CDYL2: variants seen among roughly 807,000 people sequenced by gnomAD.
CDYL2 encodes the protein chromodomain Y-like protein 2.
Under a neutral mutation model 49.4 loss-of-function variants are expected in CDYL2, and 23 were observed. The observed-to-expected ratio is 0.47, with a 90% CI of 0.34 to 0.66. The LOEUF is 0.66. Ranked by LOEUF, CDYL2 falls within the 30% of genes least tolerant of loss-of-function variation. The pLI is 0.01. For synonymous variants in CDYL2, 360 were observed against 268.8 expected (o/e 1.34, Z -3.32); for missense variants, 678 against 656.4 (o/e 1.03, Z -0.36).
intron 1 of CDYL2, among the ~76,000 whole-genome samples, chr16:80,769,878 T>C (rs2142393078): frequency 6.6e-6 from 1 of 152,340 alleles, no homozygotes; most frequent in East Asian, 1.9e-4. Context: ...CACGTATTCT[T>C]AATGATATTG....
chr16:80,690,120 C>T (rs1489164198), intron 1 of CDYL2, among the ~76,000 whole-genome samples: 1 of 142,246 alleles, frequency 7.0e-6, no homozygotes, highest in South Asian at 2.3e-4. Context: ...GACTCTGTCT[C>T]AAAAATAAAA....
chr16:80,612,812 C>G lies in CDYL2; in HGVS notation c.1032G>C (p.Gln344His). 5 of 1,613,398 alleles carry G rather than the reference C, an allele frequency of 3.1e-6. No individual in the cohort carries two copies. Among genetic ancestry groups the G allele is most frequent in the East Asian group, 4.5e-5 (2 of 44,874 alleles). ...TGGCCACCACGATAGGCTTCTTAAA[C>G]TGGATAAAGGCCTTCACAAAGTCCC... Reference protein sequence around the residue: ...AIRDFVKAFIQFKKPIVVAIN... With the variant: ...AIRDFVKAFIHFKKPIVVAIN... The change falls in exon 5 of 7, where the codon CAG (glutamine) becomes CAC (histidine). Residue 344 changes from glutamine (Q) to histidine (H), a missense_variant. Transcript: ENST00000570137. The surrounding 1 kb of genome is among the most constrained non-coding windows in gnomAD (Gnocchi z 5.0).
At chr16:80,756,161 TAA>T (rs1906303678) in intron 1 of CDYL2, among the ~76,000 whole-genome samples, 1 of 151,982 alleles carries the variant, frequency 6.6e-6, no homozygotes, top group South Asian at 2.1e-4. Flanking sequence ...CTTGAGAAGT[TAA>T]AAAGAGAACA....
rs538755325 is a variant in CDYL2, at chr16:80,752,407, C to T, written c.24+51743G>A. Among the ~76,000 whole-genome samples, 10 of 152,118 alleles carry T rather than the reference C, an allele frequency of 6.6e-5. No individual in the cohort carries two copies. The South Asian group carries it at 2.1e-3, about 32-fold the overall frequency. On this transcript the variant is annotated intron_variant, in intron 1 of 6. Coordinates refer to ENST00000570137, the MANE Select transcript of CDYL2 (RefSeq NM_152342.4). ...ACCAAGAATTTCCTTAAAAGAACAT[C>T]GAGTCACAAAATCCCAAGCAGAATA...
intron 1 of CDYL2, among the ~76,000 whole-genome samples, chr16:80,748,103 A>T (rs1905994008): frequency 6.7e-6 from 1 of 149,364 alleles, no homozygotes; most frequent in Non-Finnish European, 1.5e-5. Flanking sequence ...TCACACTCAC[A>T]GGTGATTCTG....
chr16:80,615,439 G>T (rs577305690), intron 4 of CDYL2, among the ~76,000 whole-genome samples: 1 of 152,056 alleles, frequency 6.6e-6, no homozygotes, highest in Non-Finnish European at 1.5e-5. Flanking sequence ...TCATGGGACC[G>T]TATCTTCCAC....
intron 1 of CDYL2, among the ~76,000 whole-genome samples, chr16:80,748,217 G>A (rs983231952): frequency 6.7e-6 from 1 of 148,200 alleles, no homozygotes; most frequent in Admixed American, 6.7e-5. Context: ...TCTGTGCCCT[G>A]GCTCTGCCTT....
At chr16:80,696,548 A>C (rs1216281143) in intron 1 of CDYL2, among the ~76,000 whole-genome samples, 1 of 152,078 alleles carries the variant, frequency 6.6e-6, no homozygotes, top group Non-Finnish European at 1.5e-5. Flanking sequence ...ATCGAAATAC[A>C]AAAAATTCTT....
intron 2 of CDYL2, among the ~76,000 whole-genome samples, chr16:80,657,947 T>C (rs540849639): frequency 1.3e-5 from 2 of 152,026 alleles, no homozygotes; most frequent in Non-Finnish European, 2.9e-5. Flanking sequence ...ACCCACACAA[T>C]AGAATACTAT....
chr16:80,687,707 A>G (rs1307103108), intron 1 of CDYL2, among the ~76,000 whole-genome samples: 1 of 152,238 alleles, frequency 6.6e-6, no homozygotes, highest in East Asian at 1.9e-4. Flanking sequence ...GCTTTGTAAC[A>G]AAACGATCTG....
At chr16:80,704,954 G>A (rs1295137582) in intron 1 of CDYL2, among the ~76,000 whole-genome samples, 1 of 152,182 alleles carries the variant, frequency 6.6e-6, no homozygotes, top group East Asian at 1.9e-4. Flanking sequence ...CCAAGGTAGG[G>A]GCTCCCTGGT....
intron 2 of CDYL2, among the ~76,000 whole-genome samples, chr16:80,654,079 T>C (rs1597150963): frequency 6.6e-6 from 1 of 152,208 alleles, no homozygotes; most frequent in Non-Finnish European, 1.5e-5. Context: ...CCGTGCAGGA[T>C]GGAGCCACAT....
At chr16:80,707,151 G>C (rs1224109207) in intron 1 of CDYL2, among the ~76,000 whole-genome samples, 2 of 152,124 alleles carry the variant, frequency 1.3e-5, no homozygotes, top group African/African-American at 4.8e-5. Context: ...GCTAAAAAAA[G>C]AAAATTTTTA....
intron 4 of CDYL2, among the ~76,000 whole-genome samples, chr16:80,618,510 C>T (rs1043798880): frequency 6.6e-5 from 10 of 152,174 alleles, no homozygotes; most frequent in Admixed American, 3.9e-4. Context: ...AGAGACTGGG[C>T]GTGCAAAGCC....
intron 1 of CDYL2, among the ~76,000 whole-genome samples, chr16:80,787,472 G>C (rs1474400120): frequency 1.3e-5 from 2 of 152,158 alleles, no homozygotes; most frequent in Non-Finnish European, 2.9e-5. Context: ...CACTGGGTGA[G>C]AAATTAGACT....
intron 1 of CDYL2, among the ~76,000 whole-genome samples, chr16:80,766,704 A>T (rs917967695): frequency 6.6e-6 from 1 of 152,218 alleles, no homozygotes; most frequent in African/African-American, 2.4e-5. Context: ...AGATAGATAG[A>T]TCATATATCT....
At chr16:80,797,176 T>C (rs1485883792) in intron 1 of CDYL2, among the ~76,000 whole-genome samples, 1 of 152,202 alleles carries the variant, frequency 6.6e-6, no homozygotes, top group African/African-American at 2.4e-5. Flanking sequence ...CCATGTCAAA[T>C]AGTGCTCCTG....
At chr16:80,688,565 G>C (rs575879501) in intron 1 of CDYL2, among the ~76,000 whole-genome samples, 26 of 152,190 alleles carry the variant, frequency 1.7e-4, no homozygotes, top group African/African-American at 6.3e-4. Context: ...CAAACACAAG[G>C]TTTTTGCAGG....
chr16:80,640,892 T>C (rs936253548), intron 2 of CDYL2, among the ~76,000 whole-genome samples: 2 of 151,894 alleles, frequency 1.3e-5, no homozygotes, highest in South Asian at 2.1e-4. Context: ...TATTTGAAAA[T>C]ATATAGTCAG....
Sources: gnomAD v4.1 joint callset for allele counts (sites outside exome capture counted in the v4.1 genomes callset) on GRCh38, gnomAD v4.1.1 for gene constraint, Gnocchi (gnomAD v3.1) non-coding constraint, MANE v1.5 for transcripts, NCBI Gene and HGNC (gene_info 2026-07-23, HGNC 2026-07-21) for gene names.